The following TMEM209 variants were observed in gnomAD, a reference collection of about 807,000 sequenced individuals.
TMEM209 encodes transmembrane protein 209.
Under a neutral mutation model 76.2 loss-of-function variants are expected in TMEM209, and 65 were observed. That is an observed-to-expected ratio of 0.85 (90% CI 0.70 to 1.05). The LOEUF is 1.05. Among genes scored for constraint, TMEM209 ranks in the 50% least tolerant of loss-of-function variants. The probability of loss-of-function intolerance (pLI) is 0.00; values close to 1 mark genes in which losing one functional copy is unlikely to be tolerated. For missense variants in TMEM209, 623 were observed against 685.5 expected, an observed-to-expected ratio of 0.91 and a Z score of 1.02; for synonymous variants, 239 against 237.6, an observed-to-expected ratio of 1.01 and a Z score of -0.06.
intron 9 of TMEM209, among the ~76,000 whole-genome samples, chr7:130,178,994 C>T (rs1797328264): frequency 6.6e-6 from 1 of 152,032 alleles, no homozygotes; most frequent in South Asian, 2.1e-4. Context: ...CACTATATTG[C>T]CTAGGCTGGT....
chr7:130,182,295 T>A (rs989572703), intron 8 of TMEM209, among the ~76,000 whole-genome samples: 19 of 152,182 alleles, frequency 1.2e-4, no homozygotes, highest in East Asian at 1.9e-4. Flanking sequence ...GAAAAAAAAA[T>A]ATAAAACTTT....
intron 11 of TMEM209, among the ~76,000 whole-genome samples, chr7:130,174,857 G>C (rs1797183478): frequency 6.6e-6 from 1 of 152,038 alleles, no homozygotes; most frequent in Admixed American, 6.6e-5. Flanking sequence ...ATAGTTAAAT[G>C]ACAGTGTGTA....
At position 130,166,374 on chromosome 7, in the gene TMEM209, C is replaced by T; in HGVS notation, c.*77G>A. On this transcript the variant is annotated 3_prime_UTR_variant, in exon 15 of 15. Transcript: ENST00000397622. ...CATGTGTATTTTATTTCAGAAGAGT[C>T]AGTGGCTCAGAGATGTTTAGTTTCG... 1.7e-6 allele frequency: 2 copies of T among 1,172,840 alleles called. No homozygotes were observed. Among genetic ancestry groups the T allele is most frequent in the Non-Finnish European group, 2.4e-6 (2 of 832,360 alleles). The allele number at this position is 1,172,840 out of a possible 1,614,324, so 72.7% of individuals were successfully genotyped here.
intron 8 of TMEM209, among the ~76,000 whole-genome samples, chr7:130,182,917 A>G (rs1021029816): frequency 1.3e-5 from 2 of 152,192 alleles, no homozygotes; most frequent in African/African-American, 4.8e-5. Context: ...GTGACTATTC[A>G]TATGTTTTTC....
At chr7:130,182,882 A>C (rs1477569498) in intron 8 of TMEM209, among the ~76,000 whole-genome samples, 1 of 152,222 alleles carries the variant, frequency 6.6e-6, no homozygotes, top group South Asian at 2.1e-4. Flanking sequence ...ACATGAAGCT[A>C]TTTATAGGCT....
intron 6 of TMEM209, 184 bp downstream of exon 6, chr7:130,192,438 A>G (rs1464308970): frequency 6.9e-6 from 4 of 579,410 alleles, no homozygotes; most frequent in East Asian, 2.9e-5. Context: ...TAGTTTAGCT[A>G]TATTTCACTT....
At chr7:130,196,222 A>G (rs1243607250) in intron 5 of TMEM209, among the ~76,000 whole-genome samples, 4 of 152,192 alleles carry the variant, frequency 2.6e-5, no homozygotes, top group Admixed American at 6.5e-5. Context: ...AAAGAACTCA[A>G]TAATAAAACT....
chr7:130,178,358 T>A (rs750042876), intron 10 of TMEM209, 44 bp downstream of exon 10: 1 of 1,524,790 alleles, frequency 6.6e-7, no homozygotes, highest in Admixed American at 2.1e-5. Flanking sequence ...AATTCCAGCA[T>A]AGTAAAAAAG....
Position 130,192,228 on chromosome 7 carries a change from G to A in TMEM209, c.775+394C>T, listed in dbSNP as rs541208045. ...GTTATGAAAAACAGCAGCGCTTCTC[G>A]AGTAAATACATGTTCTCTCTTTCAG... is the stretch of plus-strand genomic sequence containing the variant. On this transcript the variant is annotated intron_variant, in intron 6 of 14. Coordinates refer to ENST00000397622, the MANE Select transcript of TMEM209 (RefSeq NM_032842.4). 1.2e-4 allele frequency: 22 copies of A among 176,806 alleles called. No homozygotes were observed. The South Asian group carries it at 2.6e-3, about 21-fold the overall frequency. 11.0% of individuals were successfully genotyped at this position (176,806 alleles called of 1,614,324 possible). A position where few individuals can be genotyped will look rare whatever the true frequency, so the allele number is the denominator to read the frequency against.
Position 130,166,431 on chromosome 7 carries a change from A to G in TMEM209, c.*20T>C, listed in dbSNP as rs1459268062. 1 of 1,533,148 alleles carries G rather than the reference A, an allele frequency of 6.5e-7. No individual in the cohort carries two copies. The highest frequency in any genetic ancestry group is 8.8e-7 in the Non-Finnish European group (1 of 1,139,636). 95.0% of individuals were successfully genotyped at this position (1,533,148 alleles called of 1,614,324 possible). On this transcript the variant is annotated 3_prime_UTR_variant, in exon 15 of 15. Transcript: ENST00000397622. ...GGTTCAGTGAAATAGTCTAAATGTCAGAATTAAATATATGACTTGCTACTC... is the reference window on the plus strand; with the variant it reads ...GGTTCAGTGAAATAGTCTAAATGTCGGAATTAAATATATGACTTGCTACTC...
chr7:130,165,207 G>T lies in TMEM209; in HGVS notation c.*1244C>A, dbSNP rs572135769. 6.6e-6 allele frequency: 1 copy of T among 152,170 alleles called. No individual in the cohort carries two copies. Among genetic ancestry groups the T allele is most frequent in the Non-Finnish European group, 1.5e-5 (1 of 68,026 alleles). 9.4% of individuals were successfully genotyped at this position (152,170 alleles called of 1,614,324 possible). A position where few individuals can be genotyped will look rare whatever the true frequency, so the allele number is the denominator to read the frequency against. ...CACTGATACACGGTTCTTCAGAAAA[G>T]ACTAGTTTCAGCTGTTTCCAGGTTT... is the stretch of plus-strand genomic sequence containing the variant. On this transcript the variant is annotated 3_prime_UTR_variant, in exon 15 of 15. Transcript: ENST00000397622.
At chr7:130,195,225 T>C (rs1416796938) in intron 5 of TMEM209, among the ~76,000 whole-genome samples, 1 of 152,174 alleles carries the variant, frequency 6.6e-6, no homozygotes, top group East Asian at 1.9e-4. Context: ...CATTAGCATG[T>C]AGGGAGAAAA....
intron 5 of TMEM209, among the ~76,000 whole-genome samples, chr7:130,199,209 ACC>A (rs1798100481): frequency 6.6e-6 from 1 of 150,946 alleles, no homozygotes; most frequent in African/African-American, 2.4e-5. Flanking sequence ...TGCCTTTGTC[ACC>A]TTTTTAATTT....
chr7:130,168,984 T>C (rs1796964091), intron 14 of TMEM209, among the ~76,000 whole-genome samples: 1 of 152,182 alleles, frequency 6.6e-6, no homozygotes, highest in African/African-American at 2.4e-5. Context: ...ACACCTGTAA[T>C]TACAGCACTT....
rs372033819 is a variant in TMEM209, at chr7:130,204,092, G to C, written c.22C>G (p.Pro8Ala). 15 of 1,611,360 alleles carry C rather than the reference G, an allele frequency of 9.3e-6. No individual in the cohort carries two copies. The African/African-American group carries it at 1.6e-4, about 17-fold the overall frequency. ...GTTCTGTCAATAAGGGAAGCACTAG[G>C]GTGTGCCTCCCCCTGCATCTATGAA... MMQGEAH[P>A]SASLIDRTIK... is the part of the protein sequence containing the mutation. Residue 8 changes from proline to alanine, a missense_variant, in exon 2 of 15, where the codon CCT becomes GCT. Transcript: ENST00000397622.
intron 5 of TMEM209, among the ~76,000 whole-genome samples, chr7:130,200,518 CTT>C (rs1034527025): frequency 3.3e-5 from 5 of 152,020 alleles, no homozygotes; most frequent in East Asian, 1.9e-4. Context: ...ATGAAAATGA[CTT>C]AAACATTCAA....
At chr7:130,204,829 G>T in intron 1 of TMEM209, 1 of 630,186 alleles carries the variant, frequency 1.6e-6, no homozygotes, top group Non-Finnish European at 2.0e-6. Flanking sequence ...TCTGCTGTAA[G>T]TCATAAAGAC....
chr7:130,183,790 T>A (rs1584678614), intron 8 of TMEM209, among the ~76,000 whole-genome samples: 1 of 152,302 alleles, frequency 6.6e-6, no homozygotes, highest in South Asian at 2.1e-4. Flanking sequence ...GCTTCAAGCA[T>A]ATGTTGTCTT....
chr7:130,191,633 A>G (rs1324720252), intron 6 of TMEM209, among the ~76,000 whole-genome samples: 5 of 152,186 alleles, frequency 3.3e-5, no homozygotes, highest in Non-Finnish European at 7.3e-5. Flanking sequence ...AGGAGAAAAA[A>G]AAGGTAACCA....
Sources: gnomAD v4.1 joint callset for allele counts (sites outside exome capture counted in the v4.1 genomes callset) on GRCh38, gnomAD v4.1.1 for gene constraint, MANE v1.5 for transcripts, NCBI Gene and HGNC (gene_info 2026-07-23, HGNC 2026-07-21) for gene names.